SHROOM3: variants seen among roughly 807,000 people sequenced by gnomAD.
SHROOM3 encodes shroom family member 3, also known as protein Shroom3.
In SHROOM3, 47 loss-of-function variants were observed where a neutral mutation model predicts 138.6. That is an observed-to-expected ratio of 0.34 (90% confidence interval 0.27 to 0.43). The LOEUF is 0.43. Among genes scored for constraint, SHROOM3 ranks in the 20% least tolerant of loss-of-function variants. The pLI, the probability that SHROOM3 is intolerant of heterozygous loss-of-function variation, is 1.00. For synonymous variants in SHROOM3, 1,062 were observed against 1,063.3 expected (o/e 1.00, Z 0.02); for missense variants, 2,491 against 2,596.5 (o/e 0.96, Z 0.88).
At chr4:76,572,513 G>A (rs1733852785) in intron 2 of SHROOM3, among the ~76,000 whole-genome samples, 1 of 152,186 alleles carries the variant, frequency 6.6e-6, no homozygotes, top group African/African-American at 2.4e-5. Context: ...CAATGATGGT[G>A]GGCCAGGGAG....
At chr4:76,676,944 C>CAAAAAAAAAA (rs58270392) in intron 2 of SHROOM3, among the ~76,000 whole-genome samples, 50 of 79,036 alleles carry the variant, frequency 6.3e-4, no homozygotes, top group African/African-American at 2.4e-3. Flanking sequence ...CTCCGTCTCA[C>CAAAAAAAAAA]AAAAAAAAAA....
At chr4:76,508,798 C>G (rs906087745) in intron 1 of SHROOM3, among the ~76,000 whole-genome samples, 2 of 152,046 alleles carry the variant, frequency 1.3e-5, no homozygotes, top group Non-Finnish European at 1.5e-5. Flanking sequence ...TACCTTAGAC[C>G]AAGTAATTTG....
At chr4:76,560,228 C>A (rs1325294939) in intron 2 of SHROOM3, among the ~76,000 whole-genome samples, 2 of 152,096 alleles carry the variant, frequency 1.3e-5, no homozygotes, top group African/African-American at 2.4e-5. Context: ...TGGAAACTGA[C>A]AAAGGAAAGG....
intron 4 of SHROOM3, among the ~76,000 whole-genome samples, chr4:76,737,295 C>G (rs544883886): frequency 6.7e-6 from 1 of 148,348 alleles, no homozygotes; most frequent in South Asian, 2.1e-4. Flanking sequence ...GAATAACATT[C>G]CATTGTGTAG....
chr4:76,529,834 G>A (rs1386535338), intron 1 of SHROOM3, among the ~76,000 whole-genome samples: 1 of 152,192 alleles, frequency 6.6e-6, no homozygotes, highest in East Asian at 1.9e-4. Context: ...CTGGGGAGGG[G>A]AGCTTATATA....
intron 2 of SHROOM3, among the ~76,000 whole-genome samples, chr4:76,576,265 T>A (rs1282444941): frequency 6.6e-6 from 1 of 152,170 alleles, no homozygotes; most frequent in East Asian, 1.9e-4. Flanking sequence ...CATCAACAGA[T>A]GAATGGATAA....
At chr4:76,510,055 G>T (rs563353293) in intron 1 of SHROOM3, among the ~76,000 whole-genome samples, 3 of 152,010 alleles carry the variant, frequency 2.0e-5, no homozygotes, top group Non-Finnish European at 4.4e-5. Context: ...AAATGGTGCG[G>T]GCACTCTGAA....
At chr4:76,490,787 A>C (rs572882745) in intron 1 of SHROOM3, among the ~76,000 whole-genome samples, 114 of 152,350 alleles carry the variant, frequency 7.5e-4, no homozygotes, top group Non-Finnish European at 1.3e-3. Flanking sequence ...AAATAATAGC[A>C]AGAAACAATA....
intron 1 of SHROOM3, among the ~76,000 whole-genome samples, chr4:76,518,898 A>G (rs1293354926): frequency 6.6e-6 from 1 of 152,216 alleles, no homozygotes; most frequent in Non-Finnish European, 1.5e-5. Flanking sequence ...CATAGAGATT[A>G]CATACCCTAG....
intron 2 of SHROOM3, among the ~76,000 whole-genome samples, chr4:76,563,588 C>G (rs113385476): frequency 2.3e-3 from 343 of 152,168 alleles, no homozygotes; most frequent in African/African-American, 7.5e-3. Context: ...CACATGTGAC[C>G]CAGGCTGAGC....
At chr4:76,569,996 C>A (rs968770911) in intron 2 of SHROOM3, among the ~76,000 whole-genome samples, 1 of 152,162 alleles carries the variant, frequency 6.6e-6, no homozygotes, top group East Asian at 1.9e-4. Context: ...CGTGGTTATT[C>A]TTCAAAGTCT....
intron 1 of SHROOM3, among the ~76,000 whole-genome samples, chr4:76,459,454 G>C (rs1195405595): frequency 6.6e-6 from 1 of 152,132 alleles, no homozygotes; most frequent in Non-Finnish European, 1.5e-5. Flanking sequence ...AAAGTTCCAG[G>C]GAGCCTAGGT....
intron 1 of SHROOM3, among the ~76,000 whole-genome samples, chr4:76,477,128 C>T (rs926562483): frequency 2.5e-4 from 38 of 152,142 alleles, no homozygotes; most frequent in African/African-American, 7.7e-4. Flanking sequence ...CCACCACGCC[C>T]GGCTAATTTT....
rs537380552 is a variant in SHROOM3, at chr4:76,554,749, C to A, written c.169-860C>A. Among the ~76,000 whole-genome samples the A allele has an allele frequency of 9.9e-4, 151 of 152,192 alleles. 1 individual carries two copies. Among genetic ancestry groups the A allele is most frequent in the Middle Eastern group, 6.8e-3 (2 of 294 alleles). On this transcript the variant is annotated intron_variant, in intron 1 of 10. Transcript: ENST00000296043. The stretch of plus-strand genomic sequence containing the variant: ...GAACTCAACTTCTAATGTAACCCGT[C>A]CCCAACCCCCAGGCCACGGACCATT...
chr4:76,693,120 A>G (rs1430399434), intron 2 of SHROOM3, among the ~76,000 whole-genome samples: 1 of 152,214 alleles, frequency 6.6e-6, no homozygotes, highest in Non-Finnish European at 1.5e-5. Flanking sequence ...GACATTGGAC[A>G]ATAATAGAAC....
chr4:76,629,306 A>G (rs1735241548), intron 2 of SHROOM3, among the ~76,000 whole-genome samples: 1 of 152,186 alleles, frequency 6.6e-6, no homozygotes, highest in Admixed American at 6.5e-5. Flanking sequence ...AAGAGCAAGA[A>G]GGCCACTGTG....
chr4:76,502,098 A>G (rs1009809763), intron 1 of SHROOM3, among the ~76,000 whole-genome samples: 2 of 152,108 alleles, frequency 1.3e-5, no homozygotes, highest in African/African-American at 4.8e-5. Flanking sequence ...TGGCTTTATA[A>G]CAAGAGGAAG....
At chr4:76,630,477 A>C (rs866364739) in intron 2 of SHROOM3, among the ~76,000 whole-genome samples, 15 of 152,326 alleles carry the variant, frequency 9.8e-5, no homozygotes, top group African/African-American at 3.1e-4. Flanking sequence ...CCTGTACAGT[A>C]AAAAGCCACA....
chr4:76,640,441 G>T (rs1387717020), intron 2 of SHROOM3, among the ~76,000 whole-genome samples: 1 of 152,134 alleles, frequency 6.6e-6, no homozygotes, highest in Non-Finnish European at 1.5e-5. Flanking sequence ...CCACAGCCAG[G>T]TGCCAAATCC....
Sources: gnomAD v4.1 joint callset for allele counts (sites outside exome capture counted in the v4.1 genomes callset) on GRCh38, gnomAD v4.1.1 for gene constraint, MANE v1.5 for transcripts, NCBI Gene and HGNC (gene_info 2026-07-23, HGNC 2026-07-21) for gene names.